The following RAB11FIP4 variants were observed in gnomAD, a reference collection of about 807,000 sequenced individuals.
RAB11FIP4 encodes RAB11 family interacting protein 4.
Under a neutral mutation model 74.3 loss-of-function variants are expected in RAB11FIP4, and 23 were observed. The observed-to-expected ratio is 0.31, with a 90% CI of 0.22 to 0.44. The LOEUF (loss-of-function observed/expected upper bound fraction) is 0.44, where lower values mean the gene tolerates loss of function less well. RAB11FIP4 is among the 20% of genes least tolerant of loss of function. RAB11FIP4 has a pLI of 1.00. For synonymous variants in RAB11FIP4, 360 were observed against 359.9 expected, an observed-to-expected ratio of 1.00 and a Z score of 0.00; for missense variants, 630 against 863.9, an observed-to-expected ratio of 0.73 and a Z score of 3.39.
Position 31,533,752 on chromosome 17 carries a change from G to A in RAB11FIP4, c.*2020G>A, listed in dbSNP as rs577506853. On this transcript the variant is annotated 3_prime_UTR_variant, in exon 15 of 15. Coordinates refer to ENST00000621161, the MANE Select transcript of RAB11FIP4 (RefSeq NM_032932.6). Reference sequence around the variant, plus strand: ...AATCTCTGCCACGGGAAAGGTGGGCGGAAGCAGCTGGCAGCCTGGGGCGTG... The same window carrying A: ...AATCTCTGCCACGGGAAAGGTGGGCAGAAGCAGCTGGCAGCCTGGGGCGTG... 3.3e-5 allele frequency: 5 copies of A among 152,360 alleles called. No homozygotes were observed. Among genetic ancestry groups the A allele is most frequent in the Non-Finnish European group, 5.9e-5 (4 of 68,070 alleles). The allele number at this position is 152,360 out of a possible 1,614,324, so 9.4% of individuals were successfully genotyped here.
In RAB11FIP4 at chr17:31,537,488, GC is replaced by G. The variant is rs2072985265; in HGVS notation, c.*5757del. 1 of 319,580 alleles carries G rather than the reference GC, an allele frequency of 3.1e-6. No individual in the cohort carries two copies. The highest frequency in any genetic ancestry group is 5.7e-6 in the Non-Finnish European group (1 of 175,098). 19.8% of individuals were successfully genotyped at this position (319,580 alleles called of 1,614,324 possible). A position where few individuals can be genotyped will look rare whatever the true frequency, so the allele number is the denominator to read the frequency against. On this transcript the variant is annotated 3_prime_UTR_variant, in exon 15 of 15. Transcript: ENST00000621161. ...TGTGTAAAGCAGCTTCTCCCACAGAGCTTTCCCTGCATTGTTAGTGATGTCG... is the reference window on the plus strand; with the variant it reads ...TGTGTAAAGCAGCTTCTCCCACAGAGTTTCCCTGCATTGTTAGTGATGTCG...
At chr17:31,524,826 G>A (rs1186796501) in intron 9 of RAB11FIP4, 1 of 549,624 alleles carries the variant, frequency 1.8e-6, no homozygotes, top group Non-Finnish European at 3.2e-6. Flanking sequence ...TGGCTGCAGG[G>A]ACTGGTGGGG....
chr17:31,425,038 G>A lies in RAB11FIP4; in HGVS notation c.160-6775G>A, dbSNP rs1480149310. Among the ~76,000 whole-genome samples, 4 of 152,324 alleles carry A rather than the reference G, an allele frequency of 2.6e-5. No homozygotes were observed. The East Asian group carries it at 7.7e-4, about 29-fold the overall frequency. Reference sequence around the variant, plus strand: ...AATAGTGATTGCAATTATTTTAGCAGAAATAATAATTACTGGCTAAGGGCA... The same window carrying A: ...AATAGTGATTGCAATTATTTTAGCAAAAATAATAATTACTGGCTAAGGGCA... On this transcript the variant is annotated intron_variant, in intron 1 of 14. Transcript: ENST00000621161.
At chr17:31,493,916 T>C (rs1241557070) in intron 3 of RAB11FIP4, among the ~76,000 whole-genome samples, 1 of 152,150 alleles carries the variant, frequency 6.6e-6, no homozygotes, top group Admixed American at 6.5e-5. Context: ...TATGTGTGTG[T>C]GCACACACGT....
At chr17:31,445,578 ATTTTTTTTTTTTTTTTT>A (rs61393689) in intron 3 of RAB11FIP4, among the ~76,000 whole-genome samples, 4 of 16,282 alleles carry the variant, frequency 2.5e-4, no homozygotes, top group Admixed American at 1.2e-3. Context: ...ATATATATAT[ATTTTTTTTTTTTTTTTT>A]TTTTTTTTGA....
At chr17:31,457,681 C>A (rs558262669) in intron 3 of RAB11FIP4, among the ~76,000 whole-genome samples, 4 of 151,914 alleles carry the variant, frequency 2.6e-5, no homozygotes, top group African/African-American at 7.3e-5. Flanking sequence ...GCAGGCCTGA[C>A]CCCCACCACC....
At chr17:31,416,894 G>A (rs1435679750) in intron 1 of RAB11FIP4, among the ~76,000 whole-genome samples, 2 of 152,132 alleles carry the variant, frequency 1.3e-5, no homozygotes, top group African/African-American at 4.8e-5. Flanking sequence ...GTCAGCACTT[G>A]CCCCTGTGCT....
intron 3 of RAB11FIP4, among the ~76,000 whole-genome samples, chr17:31,462,059 C>G (rs1011578126): frequency 9.2e-5 from 14 of 152,006 alleles, no homozygotes; most frequent in African/African-American, 2.7e-4. Flanking sequence ...GTCAGGAGTT[C>G]GAGACCAGCC....
intron 4 of RAB11FIP4, 23 bp from the exon 5 acceptor site, chr17:31,521,143 C>A: frequency 1.3e-6 from 2 of 1,528,090 alleles, no homozygotes; most frequent in Non-Finnish European, 1.8e-6. Flanking sequence ...CCTCCTCTGA[C>A]TTGGGTGCTC....
chr17:31,430,790 C>T (rs749179630), intron 1 of RAB11FIP4, among the ~76,000 whole-genome samples: 3 of 152,074 alleles, frequency 2.0e-5, no homozygotes, highest in Admixed American at 6.6e-5. Context: ...CCAGGTGGGG[C>T]TCCTGAGAGG....
intron 3 of RAB11FIP4, among the ~76,000 whole-genome samples, chr17:31,460,323 A>G (rs2071622460): frequency 1.3e-5 from 2 of 152,080 alleles, no homozygotes; most frequent in East Asian, 1.9e-4. Context: ...GTGTAGACTC[A>G]CCTTAGAGCA....
intron 3 of RAB11FIP4, among the ~76,000 whole-genome samples, chr17:31,481,364 G>A (rs2071847316): frequency 6.6e-6 from 1 of 152,048 alleles, no homozygotes; most frequent in Non-Finnish European, 1.5e-5. Flanking sequence ...CTGATGTGCG[G>A]TGCAGTTTAG....
At chr17:31,454,360 G>A (rs1476257314) in intron 3 of RAB11FIP4, among the ~76,000 whole-genome samples, 8 of 152,164 alleles carry the variant, frequency 5.3e-5, no homozygotes, top group Middle Eastern at 3.4e-3. Flanking sequence ...TGCAACCTCC[G>A]CCTCCTGGGT....
At chr17:31,497,221 C>T (rs1196598272) in intron 3 of RAB11FIP4, among the ~76,000 whole-genome samples, 1 of 151,936 alleles carries the variant, frequency 6.6e-6, no homozygotes, top group Non-Finnish European at 1.5e-5. Flanking sequence ...AAAATCAGCC[C>T]GGCGTGGTGG....
At chr17:31,459,524 A>G (rs1204910233) in intron 3 of RAB11FIP4, among the ~76,000 whole-genome samples, 1 of 152,046 alleles carries the variant, frequency 6.6e-6, no homozygotes, top group East Asian at 1.9e-4. Context: ...ATGGTACCAT[A>G]AAGCATTTGT....
chr17:31,404,554 A>T (rs2071025502), intron 1 of RAB11FIP4, among the ~76,000 whole-genome samples: 1 of 152,244 alleles, frequency 6.6e-6, no homozygotes, highest in Non-Finnish European at 1.5e-5. Context: ...CCTCAAAACG[A>T]CACGTGACAT....
chr17:31,445,566 ATATATATATATATTTTTTTTT>A (rs1346556073), intron 3 of RAB11FIP4, among the ~76,000 whole-genome samples: 112 of 12,432 alleles, frequency 9.0e-3, no homozygotes, highest in East Asian at 0.05. Context: ...ATATATATAT[ATATATATATATATTTTTTTTT>A]TTTTTTTTTT....
chr17:31,517,626 C>G (rs376718762), intron 3 of RAB11FIP4, 25 bp from the exon 4 acceptor site: 1 of 1,574,552 alleles, frequency 6.4e-7, no homozygotes, highest in Non-Finnish European at 8.6e-7. Context: ...CCTCACTTAT[C>G]TTGTCTCTGC....
At chr17:31,504,380 C>T (rs986712120) in intron 3 of RAB11FIP4, among the ~76,000 whole-genome samples, 1 of 151,884 alleles carries the variant, frequency 6.6e-6, no homozygotes, top group African/African-American at 2.4e-5. Flanking sequence ...ATCCGCTTGC[C>T]TCGGCCTCTC....
Sources: allele counts gnomAD v4.1 joint callset (sites outside exome capture counted in the v4.1 genomes callset), GRCh38; gene constraint gnomAD v4.1.1; transcripts MANE v1.5; gene names NCBI Gene and HGNC (gene_info 2026-07-23, HGNC 2026-07-21).